DDX10: variants seen among roughly 807,000 people sequenced by gnomAD.
DDX10 encodes the protein DEAD-box helicase 10.
A neutral mutation model predicts 104.3 loss-of-function variants in DDX10; 74 were observed. That is an observed-to-expected ratio of 0.71 (90% CI 0.59 to 0.86). The LOEUF is 0.86. Among genes scored for constraint, DDX10 ranks in the 40% least tolerant of loss-of-function variants. DDX10 has a pLI of 0.00. For missense variants in DDX10, 952 were observed against 1,040.0 expected (o/e 0.92, Z 1.16); for synonymous variants, 351 against 353.4 (o/e 0.99, Z 0.08).
intron 13 of DDX10, among the ~76,000 whole-genome samples, chr11:108,737,053 A>C (rs1261730228): frequency 6.6e-6 from 1 of 152,128 alleles, no homozygotes; most frequent in Non-Finnish European, 1.5e-5. Context: ...AGCATCTTTC[A>C]CATGTTAGGC....
chr11:108,878,037 C>T (rs1261405013), intron 16 of DDX10, among the ~76,000 whole-genome samples: 1 of 152,000 alleles, frequency 6.6e-6, no homozygotes, highest in Non-Finnish European at 1.5e-5. Flanking sequence ...CGAAGGAAGA[C>T]ATTTAAAGGA....
chr11:108,739,313 A>C (rs2094322259), intron 13 of DDX10, among the ~76,000 whole-genome samples: 1 of 152,196 alleles, frequency 6.6e-6, no homozygotes, highest in African/African-American at 2.4e-5. Flanking sequence ...AGATTCCTCC[A>C]TGTGAAAGCC....
chr11:108,905,500 C>T (rs1863584811), intron 16 of DDX10, among the ~76,000 whole-genome samples: 1 of 151,966 alleles, frequency 6.6e-6, no homozygotes, highest in African/African-American at 2.4e-5. Flanking sequence ...TTGTGGTTCA[C>T]TTCTATGGGT....
At chr11:108,769,258 C>G (rs2094359983) in intron 13 of DDX10, among the ~76,000 whole-genome samples, 1 of 150,514 alleles carries the variant, frequency 6.6e-6, no homozygotes, top group South Asian at 2.1e-4. Flanking sequence ...GTTGTATAAT[C>G]TCTTTTTCAT....
rs1312938439 is a variant in DDX10 at position 108,684,440 on chromosome 11, A to T, written c.849-4496A>T. ...TGTTCAATTCCCACCTATGAGTGAGAATATGCAGTGTTTGGTTTTTTGTTC... is the reference window on the plus strand; with the variant it reads ...TGTTCAATTCCCACCTATGAGTGAGTATATGCAGTGTTTGGTTTTTTGTTC... On this transcript the variant is annotated intron_variant, in intron 6 of 17. Coordinates refer to ENST00000322536, the MANE Select transcript of DDX10 (RefSeq NM_004398.4). Among the ~76,000 whole-genome samples the T allele has an allele frequency of 6.8e-4, 97 of 142,596 alleles. 1 individual carries two copies. Among genetic ancestry groups the T allele is most frequent in the Non-Finnish European group, 1.3e-3 (87 of 65,638 alleles). The allele number at this position is 142,596 out of a possible 152,430, so 93.5% of individuals were successfully genotyped here. A position where few individuals can be genotyped will look rare whatever the true frequency, so the allele number is the denominator to read the frequency against.
intron 9 of DDX10, among the ~76,000 whole-genome samples, chr11:108,698,802 GT>G (rs2094263426): frequency 6.6e-6 from 1 of 152,142 alleles, no homozygotes; most frequent in Admixed American, 6.5e-5. Context: ...CTATTCATCC[GT>G]TTCCCCCCAG....
At chr11:108,850,697 A>G (rs757692129) in intron 15 of DDX10, among the ~76,000 whole-genome samples, 9 of 152,190 alleles carry the variant, frequency 5.9e-5, no homozygotes, top group Non-Finnish European at 1.0e-4. Context: ...TCTAAAACAT[A>G]TTGATACGGA....
chr11:108,938,573 A>G (rs1215297679), intron 17 of DDX10, among the ~76,000 whole-genome samples: 2 of 152,204 alleles, frequency 1.3e-5, no homozygotes, highest in African/African-American at 4.8e-5. Flanking sequence ...TTAGGGCTCA[A>G]TACTTTTTTT....
In DDX10 at chr11:108,723,402, C is replaced by T. The variant is rs768776257; in HGVS notation, c.1905C>T (p.Phe635=). The change falls in exon 13 of 18, where the codon TTC becomes TTT. Residue 635 remains phenylalanine, a synonymous_variant. Transcript: ENST00000322536. The part of the protein sequence containing the change: ...DRDEEEEDAD[F]LKVKRHNVFG... The stretch of plus-strand genomic sequence containing the variant: ...ATGAGGAGGAAGAAGATGCTGATTT[C>T]TTGAAGGTGAAGCGGCATAATGTGT... 1 of 1,613,898 alleles carries T rather than the reference C, an allele frequency of 6.2e-7. No individual in the cohort carries two copies. The highest frequency in any genetic ancestry group is 1.1e-5 in the South Asian group (1 of 91,042).
chr11:108,670,483 C>T (rs1176766993), intron 1 of DDX10, among the ~76,000 whole-genome samples: 1 of 152,168 alleles, frequency 6.6e-6, no homozygotes, highest in African/African-American at 2.4e-5. Context: ...CCCGGGCCTG[C>T]AGTAGCACTG....
At position 108,852,141 on chromosome 11, in the gene DDX10, C is replaced by G; in HGVS notation, c.2248-12C>G. 1.0e-5 allele frequency: 16 copies of G among 1,605,010 alleles called. No homozygotes were observed. The highest frequency in any genetic ancestry group is 1.4e-5 in the Non-Finnish European group (16 of 1,174,690). ...ATATGCTGCTAATTTTTCTCCTCTT[C>G]CTTGTCTCCAGGAGAAAAGACTGAA... On this transcript the variant is annotated splice_polypyrimidine_tract_variant and intron_variant, in intron 15 of 17. Coordinates refer to ENST00000322536, the MANE Select transcript of DDX10 (RefSeq NM_004398.4).
intron 17 of DDX10, among the ~76,000 whole-genome samples, chr11:108,923,894 C>T (rs1863873958): frequency 6.6e-6 from 1 of 152,150 alleles, no homozygotes. Flanking sequence ...TTCTAAAAAG[C>T]GTGGCTTCTA....
chr11:108,804,079 A>T (rs1446364447), intron 13 of DDX10, among the ~76,000 whole-genome samples: 1 of 152,172 alleles, frequency 6.6e-6, no homozygotes, highest in Non-Finnish European at 1.5e-5. Context: ...GCTCAGAATG[A>T]CCTGGTTCTT....
At chr11:108,689,270 A>C (rs751551928) in intron 7 of DDX10, among the ~76,000 whole-genome samples, 1 of 152,242 alleles carries the variant, frequency 6.6e-6, no homozygotes, top group Non-Finnish European at 1.5e-5. Context: ...TATTATGTTA[A>C]GTGCTAACAA....
chr11:108,751,363 C>T (rs541390319), intron 13 of DDX10, among the ~76,000 whole-genome samples: 8 of 152,070 alleles, frequency 5.3e-5, no homozygotes, highest in South Asian at 4.1e-4. Flanking sequence ...ACTTTATTTA[C>T]AAGATTTTGT....
intron 13 of DDX10, among the ~76,000 whole-genome samples, chr11:108,802,162 G>A (rs1398725593): frequency 6.6e-6 from 1 of 151,994 alleles, no homozygotes; most frequent in Non-Finnish European, 1.5e-5. Context: ...CAATATGCAT[G>A]GGACCAGAAG....
chr11:108,718,737 C>T (rs888161144), intron 11 of DDX10, among the ~76,000 whole-genome samples: 2 of 152,152 alleles, frequency 1.3e-5, no homozygotes, highest in East Asian at 3.9e-4. Flanking sequence ...AGCAAGCTAT[C>T]TAGTTTCATA....
In DDX10 at chr11:108,727,339, A is replaced by G. The variant is rs531533730; in HGVS notation, c.1965+3877A>G. Among the ~76,000 whole-genome samples, 16 of 152,184 alleles carry G rather than the reference A, an allele frequency of 1.1e-4. No individual in the cohort carries two copies. In the South Asian group the frequency reaches 3.3e-3, roughly 32 times the overall value. On this transcript the variant is annotated intron_variant, in intron 13 of 17. Coordinates refer to ENST00000322536, the MANE Select transcript of DDX10 (RefSeq NM_004398.4). ...ATGATTTCTTTCTTAATTTGTGTAT[A>G]TATTGCTTACACATATTTTTCCCTG...
At chr11:108,859,860 A>G (rs1862917878) in intron 16 of DDX10, among the ~76,000 whole-genome samples, 1 of 152,144 alleles carries the variant, frequency 6.6e-6, no homozygotes, top group Admixed American at 6.5e-5. Flanking sequence ...TCATTTGCCT[A>G]TATTTTTGTA....
Sources: allele counts gnomAD v4.1 joint callset (sites outside exome capture counted in the v4.1 genomes callset), GRCh38; gene constraint gnomAD v4.1.1; transcripts MANE v1.5; gene names NCBI Gene and HGNC (gene_info 2026-07-23, HGNC 2026-07-21).